Variants in TCF4 observed in about 807,000 individuals in gnomAD.
TCF4 encodes the protein transcription factor 4.
TCF4 carries 3 observed loss-of-function variants against 82.1 expected under a neutral mutation model. The observed-to-expected ratio is 0.04, with a 90% confidence interval of 0.02 to 0.09. The LOEUF (loss-of-function observed/expected upper bound fraction) is 0.09. Among genes scored for constraint, TCF4 ranks in the 10% least tolerant of loss-of-function variants. The pLI is 1.00. For missense variants in TCF4, 518 were observed against 852.7 expected (o/e 0.61, Z 4.89); for synonymous variants, 276 against 309.6 (o/e 0.89, Z 1.14).
At chr18:55,313,200 T>C (rs2073097856) in intron 8 of TCF4, among the ~76,000 whole-genome samples, 1 of 152,160 alleles carries the variant, frequency 6.6e-6, no homozygotes, top group Admixed American at 6.6e-5. Context: ...TGTTTAATTA[T>C]GGAAGTATTA....
At chr18:55,467,498 A>T (rs1256758347) in intron 3 of TCF4, among the ~76,000 whole-genome samples, 1 of 152,292 alleles carries the variant, frequency 6.6e-6, no homozygotes, top group South Asian at 2.1e-4. Flanking sequence ...TTTTATGCAC[A>T]CAGGAGTTTG....
At chr18:55,260,360 G>C (rs890045577) in intron 12 of TCF4, among the ~76,000 whole-genome samples, 1 of 152,204 alleles carries the variant, frequency 6.6e-6, no homozygotes, top group Non-Finnish European at 1.5e-5. Context: ...TACACAATGA[G>C]AGGTTGAACA....
chr18:55,248,761 G>A (rs2054096706), intron 15 of TCF4, among the ~76,000 whole-genome samples: 3 of 152,112 alleles, frequency 2.0e-5, no homozygotes, highest in African/African-American at 7.2e-5. Flanking sequence ...CCTTTTTTGT[G>A]TGTGTGGCAG....
intron 6 of TCF4, among the ~76,000 whole-genome samples, chr18:55,378,599 T>C (rs2091310566): frequency 6.6e-6 from 1 of 152,228 alleles, no homozygotes. Context: ...CTAAGAAGTC[T>C]GATTGAAAGG....
intron 6 of TCF4, among the ~76,000 whole-genome samples, chr18:55,399,919 C>CACACAA (rs2093720773): frequency 6.9e-6 from 1 of 145,382 alleles, no homozygotes; most frequent in African/African-American, 2.6e-5. Context: ...CACACACACA[C>CACACAA]ACACACAATA....
At chr18:55,477,768 C>T (rs2096326762) in intron 3 of TCF4, among the ~76,000 whole-genome samples, 1 of 152,180 alleles carries the variant, frequency 6.6e-6, no homozygotes, top group Non-Finnish European at 1.5e-5. Flanking sequence ...AATACATCTG[C>T]CTTACTTTAC....
chr18:55,403,956 A>G, intron 5 of TCF4: 2 of 1,311,356 alleles, frequency 1.5e-6, no homozygotes, highest in African/African-American at 1.5e-5. Context: ...GGCTCTCCAG[A>G]TGGTGAATTT....
intron 2 of TCF4, among the ~76,000 whole-genome samples, chr18:55,625,517 G>T (rs982874729): frequency 6.6e-6 from 1 of 152,146 alleles, no homozygotes; most frequent in African/African-American, 2.4e-5. Context: ...GATTGCAAGC[G>T]TGAGCCACTG....
In TCF4 at chr18:55,324,837, C is replaced by T. The variant is rs563056925; in HGVS notation, c.549+25522G>A. Among the ~76,000 whole-genome samples the T allele has an allele frequency of 7.2e-5, 11 of 152,248 alleles. No homozygotes were observed. In the South Asian group the frequency reaches 2.3e-3, roughly 32 times the overall value. On this transcript the variant is annotated intron_variant, in intron 8 of 19. Transcript: ENST00000354452. ...TGAACCCAGTTGTCTTTTTCTGCCA[C>T]TTTTGGGGAAAAAAATTCTTACCAG...
chr18:55,551,620 G>C (rs1281902098), intron 3 of TCF4: 1 of 152,424 alleles, frequency 6.6e-6, no homozygotes, highest in Non-Finnish European at 1.5e-5. Context: ...TGTTCCTTCC[G>C]ACTCTCCATG....
chr18:55,365,762 C>T (rs1195453881), intron 6 of TCF4, among the ~76,000 whole-genome samples: 1 of 151,912 alleles, frequency 6.6e-6, no homozygotes, highest in African/African-American at 2.4e-5. Context: ...ATTAATGATG[C>T]ACGCCTGTTA....
intron 5 of TCF4, among the ~76,000 whole-genome samples, chr18:55,421,058 C>T (rs1285779735): frequency 6.6e-6 from 1 of 151,762 alleles, no homozygotes; most frequent in Non-Finnish European, 1.5e-5. Flanking sequence ...GGCAGTTTGC[C>T]CACACAAAAA....
chr18:55,479,736 G>T (rs553222921), intron 3 of TCF4, among the ~76,000 whole-genome samples: 3 of 152,286 alleles, frequency 2.0e-5, no homozygotes, highest in African/African-American at 7.2e-5. Flanking sequence ...ACGTTGCTCT[G>T]TGACACCGGA....
intron 18 of TCF4, 143 bp from the exon 19 acceptor site, chr18:55,228,504 A>T (rs988371914): frequency 8.3e-6 from 10 of 1,197,930 alleles, no homozygotes; most frequent in Non-Finnish European, 1.2e-5. Flanking sequence ...TACTGTGGCA[A>T]TCCATTTGGT....
chr18:55,224,902 G>T lies in TCF4; in HGVS notation c.*3133C>A, dbSNP rs890340632. The T allele has an allele frequency of 8.5e-5, 13 of 152,464 alleles. No homozygotes were observed. The highest frequency in any genetic ancestry group is 3.1e-4 in the African/African-American group (13 of 41,420). 9.4% of individuals were successfully genotyped at this position (152,464 alleles called of 1,614,324 possible). A position where few individuals can be genotyped will look rare whatever the true frequency, so the allele number is the denominator to read the frequency against. ...TCTGAAAGAGATCCCCAGCCTAAGT[G>T]TCGTCATACAGATAGCGTAGTATGG... On this transcript the variant is annotated 3_prime_UTR_variant, in exon 20 of 20. Transcript: ENST00000354452.
Position 55,622,729 on chromosome 18 carries a change from T to C in TCF4, c.286+8569A>G, listed in dbSNP as rs1275086887. 5.9e-5 allele frequency among the ~76,000 whole-genome samples: 9 copies of C among 152,292 alleles called. No individual in the cohort carries two copies. The East Asian group carries it at 1.7e-3, about 29-fold the overall frequency. On this transcript the variant is annotated intron_variant, in intron 2 of 20. Coordinates refer to the TCF4 transcript ENST00000398339. ...CTCCAGATTTTCCATCCAGATGCTC[T>C]TTCCACACAACAATGTTACCTCTCT...
chr18:55,369,275 G>A (rs2088201804), intron 6 of TCF4, among the ~76,000 whole-genome samples: 1 of 152,196 alleles, frequency 6.6e-6, no homozygotes, highest in African/African-American at 2.4e-5. Context: ...AACACCAGCA[G>A]TGGGGTTAAA....
intron 3 of TCF4, among the ~76,000 whole-genome samples, chr18:55,560,970 A>G (rs1377946561): frequency 1.3e-5 from 2 of 152,248 alleles, no homozygotes; most frequent in African/African-American, 4.8e-5. Context: ...ATGGTTCTGA[A>G]TATGTTCAAA....
chr18:55,395,589 G>A (rs1455303288), intron 6 of TCF4, among the ~76,000 whole-genome samples: 1 of 152,114 alleles, frequency 6.6e-6, no homozygotes, highest in Admixed American at 6.5e-5. Flanking sequence ...TTACTTGAGG[G>A]CTAAATGCCA....
Sources: gnomAD v4.1 joint callset for allele counts (sites outside exome capture counted in the v4.1 genomes callset) on GRCh38, gnomAD v4.1.1 for gene constraint, MANE v1.5 for transcripts, NCBI Gene and HGNC (gene_info 2026-07-23, HGNC 2026-07-21) for gene names.